The following TRPM1 variants were observed in gnomAD, a reference collection of about 807,000 sequenced individuals.
TRPM1 encodes TRPM1-203 APA Isoform, Intron 10.
Under a neutral mutation model 149.4 loss-of-function variants are expected in TRPM1, and 113 were observed. That is an observed-to-expected ratio of 0.76 (90% confidence interval 0.65 to 0.88). TRPM1 has a LOEUF of 0.88. Among genes scored for constraint, TRPM1 ranks in the 40% least tolerant of loss-of-function variants. The pLI is 0.00. For missense variants in TRPM1, 1,976 were observed against 2,038.7 expected (o/e 0.97, Z 0.59); for synonymous variants, 741 against 759.5 (o/e 0.98, Z 0.40).
intron 1 of TRPM1, among the ~76,000 whole-genome samples, chr15:31,084,978 C>T (rs190944660): frequency 3.9e-4 from 59 of 151,970 alleles, no homozygotes; most frequent in Non-Finnish European, 4.4e-4. Context: ...TATGAGCTGC[C>T]GTGCCCAGCC....
intron 1 of TRPM1, among the ~76,000 whole-genome samples, chr15:31,097,837 A>G (rs1036095692): frequency 6.6e-6 from 1 of 152,200 alleles, no homozygotes; most frequent in African/African-American, 2.4e-5. Context: ...GAATGGAGAC[A>G]TGCTGTGAGT....
intron 1 of TRPM1, among the ~76,000 whole-genome samples, chr15:31,157,419 A>G (rs144464499): frequency 2.6e-5 from 4 of 152,224 alleles, no homozygotes; most frequent in Non-Finnish European, 5.9e-5. Flanking sequence ...ATTTCCTTGT[A>G]CACATGTGCT....
In TRPM1 at chr15:31,111,724, G is replaced by A. The variant is rs188745494; in HGVS notation, c.55-34740C>T. 3.2e-3 allele frequency among the ~76,000 whole-genome samples: 480 copies of A among 152,242 alleles called. 5 individuals are homozygous for A. The highest frequency in any genetic ancestry group is 0.011 in the African/African-American group (452 of 41,548). On this transcript the variant is annotated intron_variant, in intron 1 of 26. Transcript: ENST00000542188. ...CCCTCTTCAACACCTGGCGCCCAGGGCGTTATTTCTATCTCCTGTGTCCTC... is the reference window on the plus strand; with the variant it reads ...CCCTCTTCAACACCTGGCGCCCAGGACGTTATTTCTATCTCCTGTGTCCTC...
At chr15:31,129,278 C>T (rs2035988721) in intron 1 of TRPM1, among the ~76,000 whole-genome samples, 1 of 152,202 alleles carries the variant, frequency 6.6e-6, no homozygotes, top group Non-Finnish European at 1.5e-5. Flanking sequence ...CTGATGGTGC[C>T]AGTGCCACAG....
At chr15:31,047,484 G>A (rs2033811574) in intron 14 of TRPM1, among the ~76,000 whole-genome samples, 1 of 152,214 alleles carries the variant, frequency 6.6e-6, no homozygotes, top group South Asian at 2.1e-4. Flanking sequence ...AGAATGACTT[G>A]AGGAACCTCC....
chr15:31,123,052 G>C (rs34209379), intron 1 of TRPM1, among the ~76,000 whole-genome samples: 49,018 of 152,090 alleles, frequency 0.32, 9,335 homozygotes, highest in African/African-American at 0.53. Flanking sequence ...ATGCAATAAA[G>C]TGATCTTTGA....
chr15:31,033,089 G>C, intron 21 of TRPM1, 149 bp from the exon 22 acceptor site: 1 of 1,076,700 alleles, frequency 9.3e-7, no homozygotes, highest in Non-Finnish European at 1.4e-6. Flanking sequence ...TCTCAGGCAG[G>C]GAGAGATATC....
chr15:31,148,272 C>T (rs182912203), intron 1 of TRPM1, among the ~76,000 whole-genome samples: 2 of 152,308 alleles, frequency 1.3e-5, no homozygotes, highest in East Asian at 3.9e-4. Flanking sequence ...GACAGCAGGA[C>T]CCGGCTCCTT....
intron 1 of TRPM1, among the ~76,000 whole-genome samples, chr15:31,092,977 G>A (rs917628395): frequency 6.6e-6 from 1 of 152,118 alleles, no homozygotes; most frequent in Non-Finnish European, 1.5e-5. Context: ...AAAACAATAA[G>A]GGGCCGGGCA....
chr15:31,039,612 C>T (rs1463342182), intron 18 of TRPM1, among the ~76,000 whole-genome samples: 1 of 152,150 alleles, frequency 6.6e-6, no homozygotes, highest in East Asian at 1.9e-4. Flanking sequence ...TATAATTTTT[C>T]CCCCACTATA....
intron 3 of TRPM1, among the ~76,000 whole-genome samples, chr15:31,072,012 TATATATAGAGAGAG>T (rs775216732): frequency 2.1e-3 from 60 of 28,488 alleles, no homozygotes; most frequent in Middle Eastern, 0.029. Context: ...TATATATATA[TATATATAGAGAGAG>T]AGAGAGAGAG....
chr15:31,116,687 A>C (rs1378405928), intron 1 of TRPM1, among the ~76,000 whole-genome samples: 1 of 152,164 alleles, frequency 6.6e-6, no homozygotes, highest in Non-Finnish European at 1.5e-5. Context: ...GCTTCTGTAT[A>C]ATTCCAGAGG....
intron 12 of TRPM1, 122 bp downstream of exon 12, chr15:31,050,287 A>G: frequency 7.0e-7 from 1 of 1,419,216 alleles, no homozygotes; most frequent in Middle Eastern, 1.8e-4. Flanking sequence ...CTACCCAGTC[A>G]AGCCTTTACC....
intron 1 of TRPM1, among the ~76,000 whole-genome samples, chr15:31,101,355 C>T (rs2141015328): frequency 6.6e-6 from 1 of 152,274 alleles, no homozygotes; most frequent in South Asian, 2.1e-4. Context: ...CTGGTGGGTC[C>T]CTTCTGCTGA....
At chr15:31,006,498 A>C (rs1183332408) in intron 27 of TRPM1, among the ~76,000 whole-genome samples, 2 of 152,214 alleles carry the variant, frequency 1.3e-5, no homozygotes, top group African/African-American at 4.8e-5. Context: ...TCTAATATGG[A>C]TGTGCCACAG....
intron 16 of TRPM1, among the ~76,000 whole-genome samples, chr15:31,043,751 A>G (rs1043702924): frequency 1.3e-5 from 2 of 152,204 alleles, no homozygotes; most frequent in African/African-American, 4.8e-5. Context: ...AATGTTATAA[A>G]ACAGAAGTCC....
At chr15:31,023,212 T>C (rs1224093200) in intron 27 of TRPM1, among the ~76,000 whole-genome samples, 1 of 151,860 alleles carries the variant, frequency 6.6e-6, no homozygotes, top group African/African-American at 2.4e-5. Flanking sequence ...TGGGCAGAGA[T>C]CCAAGGAAGA....
At chr15:31,132,538 T>C (rs2141044453) in intron 1 of TRPM1, among the ~76,000 whole-genome samples, 1 of 152,328 alleles carries the variant, frequency 6.6e-6, no homozygotes, top group Non-Finnish European at 1.5e-5. Flanking sequence ...GTATATTTGC[T>C]TCAGAGGACG....
At chr15:31,127,991 C>T (rs956562446) in intron 1 of TRPM1, among the ~76,000 whole-genome samples, 1 of 152,162 alleles carries the variant, frequency 6.6e-6, no homozygotes, top group Admixed American at 6.5e-5. Context: ...GGTAACTTGG[C>T]TGACATAGCA....
Sources: allele counts gnomAD v4.1 joint callset (sites outside exome capture counted in the v4.1 genomes callset), GRCh38; gene constraint gnomAD v4.1.1; transcripts MANE v1.5; gene names NCBI Gene and HGNC (gene_info 2026-07-23, HGNC 2026-07-21).